The following KALRN variants were observed in gnomAD, a reference collection of about 807,000 sequenced individuals.
KALRN encodes the protein kalirin.
In KALRN, 70 loss-of-function variants were observed where a neutral mutation model predicts 353.7. That is an observed-to-expected ratio of 0.20 (90% CI 0.16 to 0.24). The LOEUF (loss-of-function observed/expected upper bound fraction) is 0.24. KALRN is among the 10% of genes least tolerant of loss of function. The probability of loss-of-function intolerance (pLI) is 1.00; values close to 1 mark genes in which losing one functional copy is unlikely to be tolerated. For missense variants in KALRN, 2,791 were observed against 3,756.7 expected (o/e 0.74, Z 6.72); for synonymous variants, 1,391 against 1,434.8 (o/e 0.97, Z 0.69).
At chr3:124,561,804 G>A (rs749601939) in intron 33 of KALRN, among the ~76,000 whole-genome samples, 10 of 152,132 alleles carry the variant, frequency 6.6e-5, no homozygotes, top group African/African-American at 1.9e-4. Context: ...CATTCCTTCC[G>A]TTCCCTACCT....
chr3:124,334,369 C>T lies in KALRN; in HGVS notation c.1521C>T (p.His507=), dbSNP rs1442152058. 3.7e-6 allele frequency: 6 copies of T among 1,614,140 alleles called. No individual in the cohort carries two copies. The African/African-American group carries it at 6.7e-5, about 18-fold the overall frequency. The part of the protein sequence containing the change: ...TATANYSKAV[H]QVLDVVHEVL... ...CAGCCAACTACTCCAAGGCAGTGCA[C>T]CAGGTGCTGGACGTGGTGCATGAGG... Residue 507 remains histidine, a synonymous_variant, in exon 9 of 60, where the codon CAC becomes CAT. Transcript: ENST00000682506. This position sits in a 1 kb window ranked among gnomAD's most constrained non-coding sequence, Gnocchi z 4.2.
chr3:124,384,771 T>C, intron 10 of KALRN, 74 bp from the exon 11 acceptor site: 1 of 1,430,308 alleles, frequency 7.0e-7, no homozygotes, highest in Non-Finnish European at 9.5e-7. Flanking sequence ...CCGCTTCAGC[T>C]CCGGGGAGCC....
At chr3:124,404,909 G>T (rs1184175432) in intron 13 of KALRN, among the ~76,000 whole-genome samples, 1 of 152,012 alleles carries the variant, frequency 6.6e-6, no homozygotes, top group East Asian at 1.9e-4. Context: ...ATTCGAGACT[G>T]CAAGGCCTTG....
At chr3:124,295,164 T>C (rs1373607) in intron 5 of KALRN, among the ~76,000 whole-genome samples, 80,163 of 151,842 alleles carry the variant, frequency 0.53, 21,720 homozygotes, top group East Asian at 0.67. Context: ...AGTTTAGGTC[T>C]AGAGAAGATT....
At chr3:124,672,185 C>T (rs928874943) in intron 48 of KALRN, among the ~76,000 whole-genome samples, 2 of 152,152 alleles carry the variant, frequency 1.3e-5, no homozygotes, top group African/African-American at 2.4e-5. Context: ...TGGCCTCAGG[C>T]GATATGGCCA....
intron 33 of KALRN, among the ~76,000 whole-genome samples, chr3:124,553,158 T>C (rs939153228): frequency 6.6e-6 from 1 of 152,244 alleles, no homozygotes; most frequent in African/African-American, 2.4e-5. Flanking sequence ...GGATAAACAA[T>C]ATATAACATC....
intron 34 of KALRN, among the ~76,000 whole-genome samples, chr3:124,617,051 G>A (rs961347885): frequency 6.6e-6 from 1 of 152,048 alleles, no homozygotes; most frequent in Non-Finnish European, 1.5e-5. Context: ...ATTTGTGTTG[G>A]CTGGGCGTGG....
At chr3:124,390,658 T>C (rs991664618) in intron 11 of KALRN, among the ~76,000 whole-genome samples, 2 of 152,220 alleles carry the variant, frequency 1.3e-5, no homozygotes, top group Non-Finnish European at 1.5e-5. Flanking sequence ...CAGGTGGATA[T>C]GGTGTGCCTT....
chr3:124,180,198 C>T (rs1396028291), intron 1 of KALRN, among the ~76,000 whole-genome samples: 1 of 152,202 alleles, frequency 6.6e-6, no homozygotes, highest in East Asian at 1.9e-4. Context: ...TATTTTGTTT[C>T]TCACCTGCCA....
intron 3 of KALRN, among the ~76,000 whole-genome samples, chr3:124,239,854 T>C (rs1001599600): frequency 1.3e-5 from 2 of 151,986 alleles, no homozygotes; most frequent in African/African-American, 4.8e-5. Context: ...GTTGATACCT[T>C]ACTCTTTGCT....
intron 51 of KALRN, among the ~76,000 whole-genome samples, chr3:124,687,629 C>A (rs180949715): frequency 1.6e-5 from 2 of 125,660 alleles, no homozygotes; most frequent in East Asian, 5.1e-4. Flanking sequence ...CCTGTACCCC[C>A]AAATTAATGA....
chr3:124,634,305 A>G (rs2081116552), intron 36 of KALRN, among the ~76,000 whole-genome samples: 1 of 152,210 alleles, frequency 6.6e-6, no homozygotes, highest in South Asian at 2.1e-4. Flanking sequence ...ACCTGACTGT[A>G]CAACCTGCAT....
At position 124,398,826 on chromosome 3, in the gene KALRN, G is replaced by T. The variant is rs1158937352; in HGVS notation, c.2301G>T (p.Leu767=). ...EELFHERKIK[L]DIFLQLRIFE... ...TGTTCCACGAGCGGAAGATCAAGCT[G>T]GACATCTTCCTGCAACTGCGCATCT... The change falls in exon 13 of 60, where the codon CTG becomes CTT. Residue 767 remains leucine, a synonymous_variant. Transcript: ENST00000682506. 6.2e-7 allele frequency: 1 copy of T among 1,613,918 alleles called. No homozygotes were observed. The highest frequency in any genetic ancestry group is 1.7e-5 in the Admixed American group (1 of 59,998).
rs1553719838 is a variant in KALRN, at chr3:124,664,371, G to GCGCGCGCGCGCGCA, written c.6346-2067_6346-2066insGCACGCGCGCGCGC. ...TGTGTGTGTGTGTGTGTGTGTGTGTGCGCGCGCGCGCATATAAGGGCACCC... is the reference window on the plus strand; with the variant it reads ...TGTGTGTGTGTGTGTGTGTGTGTGTGCGCGCGCGCGCGCACGCGCGCGCGCATATAAGGGCACCC... On this transcript the variant is annotated intron_variant, in intron 45 of 59. Transcript: ENST00000682506. Among the ~76,000 whole-genome samples the GCGCGCGCGCGCGCA allele has an allele frequency of 4.9e-4, 38 of 77,074 alleles. No homozygotes were observed. In the East Asian group the frequency reaches 0.02, roughly 41 times the overall value. 50.6% of individuals were successfully genotyped at this position (77,074 alleles called of 152,430 possible).
chr3:124,641,935 T>C (rs1209257526), intron 37 of KALRN, among the ~76,000 whole-genome samples: 1 of 152,176 alleles, frequency 6.6e-6, no homozygotes. Context: ...ACTGAAGTCC[T>C]GGAGCCCCAG....
At chr3:124,624,306 A>G (rs991650993) in intron 34 of KALRN, among the ~76,000 whole-genome samples, 1 of 152,256 alleles carries the variant, frequency 6.6e-6, no homozygotes, top group Non-Finnish European at 1.5e-5. Context: ...GCGCAAGAGT[A>G]GTGATGCTGG....
chr3:124,624,176 C>T (rs903841826), intron 34 of KALRN, among the ~76,000 whole-genome samples: 1 of 152,222 alleles, frequency 6.6e-6, no homozygotes, highest in African/African-American at 2.4e-5. Context: ...CATCTCCATG[C>T]TGTATATGCT....
At chr3:124,090,293 C>T in intron 1 of KALRN, among the ~76,000 whole-genome samples, 1 of 152,168 alleles carries the variant, frequency 6.6e-6, no homozygotes. Context: ...GGGCATGCCT[C>T]AGCCAAGGCA....
intron 33 of KALRN, among the ~76,000 whole-genome samples, chr3:124,552,012 T>C (rs2070601169): frequency 6.6e-6 from 1 of 152,192 alleles, no homozygotes. Context: ...ATCTATAAAA[T>C]TGGATGATAA....
Sources: gnomAD v4.1 joint callset for allele counts (sites outside exome capture counted in the v4.1 genomes callset) on GRCh38, gnomAD v4.1.1 for gene constraint, Gnocchi (gnomAD v3.1) non-coding constraint, MANE v1.5 for transcripts, NCBI Gene and HGNC (gene_info 2026-07-23, HGNC 2026-07-21) for gene names.